CACNA1C: variants seen among roughly 807,000 people sequenced by gnomAD.
CACNA1C encodes voltage-dependent L-type calcium channel subunit alpha-1C.
In CACNA1C, 30 loss-of-function variants were observed where a neutral mutation model predicts 229.0. That is an observed-to-expected ratio of 0.13 (90% CI 0.10 to 0.18). CACNA1C has a LOEUF of 0.18. CACNA1C is among the 10% of genes least tolerant of loss of function. The pLI, the probability that CACNA1C is intolerant of heterozygous loss-of-function variation, is 1.00. For missense variants in CACNA1C, 1,658 were observed against 2,845.0 expected (o/e 0.58, Z 9.49); for synonymous variants, 1,114 against 1,132.5 (o/e 0.98, Z 0.33).
intron 3 of CACNA1C, among the ~76,000 whole-genome samples, chr12:2,345,021 A>C (rs970398100): frequency 6.7e-6 from 1 of 148,896 alleles, no homozygotes; most frequent in Non-Finnish European, 1.5e-5. Flanking sequence ...TGGCCTTGAA[A>C]TGAAGCTGGG....
chr12:2,610,973 G>A (rs1001918904), intron 28 of CACNA1C, among the ~76,000 whole-genome samples: 4 of 151,886 alleles, frequency 2.6e-5, no homozygotes, highest in Non-Finnish European at 5.9e-5. Context: ...GATCAATGGA[G>A]AGAGGGGAGG....
At chr12:2,664,021 T>C (rs1456305727) in intron 34 of CACNA1C, among the ~76,000 whole-genome samples, 1 of 151,514 alleles carries the variant, frequency 6.6e-6, no homozygotes, top group Non-Finnish European at 1.5e-5. Context: ...ATTACAGGCG[T>C]GAGCCACCGC....
At position 2,453,336 on chromosome 12, in the gene CACNA1C, A is replaced by G. The variant is rs115219674; in HGVS notation, c.617+4221A>G. The stretch of plus-strand genomic sequence containing the variant: ...GATCCAGATACCTGGGGCATAAGTC[A>G]CTTAAGAGCTCAAGCCTATTGCTCC... On this transcript the variant is annotated intron_variant, in intron 4 of 46. Coordinates refer to ENST00000399655, the MANE Select transcript of CACNA1C (RefSeq NM_000719.7). Among the ~76,000 whole-genome samples, 1,485 of 152,246 alleles carry G rather than the reference A, an allele frequency of 9.8e-3. 19 individuals are homozygous for G. Among genetic ancestry groups the G allele is most frequent in the African/African-American group, 0.034 (1,427 of 41,532 alleles).
At chr12:2,003,105 G>A (rs1407912935) in intron 1 of CACNA1C, among the ~76,000 whole-genome samples, 2 of 152,104 alleles carry the variant, frequency 1.3e-5, no homozygotes, top group Non-Finnish European at 2.9e-5. Context: ...AATTTCCTCC[G>A]TTAAGAACTT....
At chr12:1,989,104 C>T (rs2038657760) in intron 1 of CACNA1C, among the ~76,000 whole-genome samples, 1 of 152,224 alleles carries the variant, frequency 6.6e-6, no homozygotes, top group Non-Finnish European at 1.5e-5. Flanking sequence ...TCCCTGTCAG[C>T]TGGGCATGGT....
At chr12:2,184,026 T>C (rs1238117998) in intron 3 of CACNA1C, among the ~76,000 whole-genome samples, 1 of 152,212 alleles carries the variant, frequency 6.6e-6, no homozygotes, top group African/African-American at 2.4e-5. Context: ...CTTTTGCAAT[T>C]GTTCCTAATT....
chr12:2,075,614 A>C (rs1317000870), intron 1 of CACNA1C, among the ~76,000 whole-genome samples: 3 of 152,168 alleles, frequency 2.0e-5, no homozygotes. Flanking sequence ...GGCTTTTGAG[A>C]TCTTTCTTGC....
intron 3 of CACNA1C, among the ~76,000 whole-genome samples, chr12:2,391,443 A>T (rs995803219): frequency 6.6e-6 from 1 of 152,208 alleles, no homozygotes; most frequent in Non-Finnish European, 1.5e-5. Flanking sequence ...AGAAAGGGCA[A>T]CCACGAAAGG....
At chr12:1,991,427 T>C (rs1593213314) in intron 1 of CACNA1C, 1 of 212,396 alleles carries the variant, frequency 4.7e-6, no homozygotes, top group East Asian at 1.2e-4. Flanking sequence ...ACATCTGTTA[T>C]TTTAAATTAA....
intron 6 of CACNA1C, among the ~76,000 whole-genome samples, chr12:2,490,776 T>C (rs976599900): frequency 5.9e-5 from 9 of 152,224 alleles, no homozygotes; most frequent in African/African-American, 2.2e-4. Flanking sequence ...GAGGACTGCT[T>C]GTTTCAGCTG....
chr12:2,182,984 A>G (rs1163505692), intron 3 of CACNA1C, among the ~76,000 whole-genome samples: 1 of 152,132 alleles, frequency 6.6e-6, no homozygotes, highest in Non-Finnish European at 1.5e-5. Context: ...CACCTCTTAA[A>G]TGGGGATATC....
intron 3 of CACNA1C, among the ~76,000 whole-genome samples, chr12:2,180,220 A>G (rs1346495646): frequency 6.6e-6 from 1 of 152,202 alleles, no homozygotes; most frequent in Non-Finnish European, 1.5e-5. Flanking sequence ...CAGAAACACC[A>G]CACACTCTTA....
intron 3 of CACNA1C, among the ~76,000 whole-genome samples, chr12:2,171,040 C>T (rs770692348): frequency 2.6e-5 from 4 of 152,366 alleles, no homozygotes; most frequent in East Asian, 1.9e-4. Flanking sequence ...GTTCCTTTAC[C>T]GTGGATGGCT....
intron 3 of CACNA1C, among the ~76,000 whole-genome samples, chr12:2,153,914 A>G (rs998104408): frequency 1.3e-5 from 2 of 152,202 alleles, no homozygotes; most frequent in African/African-American, 4.8e-5. Flanking sequence ...ACCAAGTGCC[A>G]CCTCAACAAG....
At chr12:2,443,770 C>A (rs894006394) in intron 3 of CACNA1C, among the ~76,000 whole-genome samples, 1 of 152,222 alleles carries the variant, frequency 6.6e-6, no homozygotes, top group Non-Finnish European at 1.5e-5. Flanking sequence ...CCAACTTTTT[C>A]TTTTCTTCAC....
intron 3 of CACNA1C, among the ~76,000 whole-genome samples, chr12:2,203,930 G>A (rs1181674900): frequency 6.6e-6 from 1 of 152,224 alleles, no homozygotes; most frequent in Non-Finnish European, 1.5e-5. Flanking sequence ...TGTGATTTCT[G>A]CCCCTTCATG....
rs1394438644 is a variant in CACNA1C at position 2,135,357 on chromosome 12, C to T, written c.477+14927C>T. On this transcript the variant is annotated intron_variant, in intron 3 of 46. Transcript: ENST00000399655. Reference sequence around the variant, plus strand: ...TTGTTCTGTTGCTGGTGAGGAGCTGCGTTCCTTTGGAGGAGGAGAGGCGCT... The same window carrying T: ...TTGTTCTGTTGCTGGTGAGGAGCTGTGTTCCTTTGGAGGAGGAGAGGCGCT... 6.8e-5 allele frequency among the ~76,000 whole-genome samples: 10 copies of T among 146,598 alleles called. 1 individual carries two copies. The highest frequency in any genetic ancestry group is 2.7e-4 in the Admixed American group (4 of 14,672).
rs559816761 is a variant in CACNA1C at position 2,361,958 on chromosome 12, G to C, written c.478-87018G>C. Reference sequence around the variant, plus strand: ...TCTGCCTGAGACCGACTGTGATCTTGATCAACTGATTGTCTTGAGTCTGGA... The same window carrying C: ...TCTGCCTGAGACCGACTGTGATCTTCATCAACTGATTGTCTTGAGTCTGGA... On this transcript the variant is annotated intron_variant, in intron 3 of 46. Coordinates refer to ENST00000399655, the MANE Select transcript of CACNA1C (RefSeq NM_000719.7). Among the ~76,000 whole-genome samples the C allele has an allele frequency of 1.2e-4, 18 of 152,324 alleles. No individual in the cohort carries two copies. The South Asian group carries it at 3.7e-3, about 32-fold the overall frequency.
chr12:1,986,048 C>T (rs1264728234), intron 1 of CACNA1C, among the ~76,000 whole-genome samples: 4 of 152,142 alleles, frequency 2.6e-5, no homozygotes, highest in East Asian at 1.9e-4. Flanking sequence ...CTCCTGACCT[C>T]GTGATCTGCC....
Sources: allele counts gnomAD v4.1 joint callset (sites outside exome capture counted in the v4.1 genomes callset), GRCh38; gene constraint gnomAD v4.1.1; transcripts MANE v1.5; gene names NCBI Gene and HGNC (gene_info 2026-07-23, HGNC 2026-07-21).